The following DPP4 variants were observed in gnomAD, a reference collection of about 807,000 sequenced individuals.
The protein encoded by DPP4 is ADCP-2.
DPP4 carries 93 observed loss-of-function variants against 122.4 expected under a neutral mutation model. The observed-to-expected ratio is 0.76, with a 90% CI of 0.64 to 0.90. The LOEUF (loss-of-function observed/expected upper bound fraction) is 0.90, where lower values mean the gene tolerates loss of function less well. Among genes scored for constraint, DPP4 ranks in the 40% least tolerant of loss-of-function variants. DPP4 has a pLI of 0.00. For missense variants in DPP4, 914 were observed against 907.3 expected, an observed-to-expected ratio of 1.01 and a Z score of -0.09; for synonymous variants, 321 against 302.9, an observed-to-expected ratio of 1.06 and a Z score of -0.62.
At chr2:162,020,892 G>A (rs1056525428) in intron 12 of DPP4, among the ~76,000 whole-genome samples, 2 of 152,166 alleles carry the variant, frequency 1.3e-5, no homozygotes, top group Non-Finnish European at 2.9e-5. Flanking sequence ...TAATTTTCGT[G>A]AGCAGTAAAT....
At position 162,047,477 on chromosome 2, in the gene DPP4, C is replaced by G. The variant is rs201004732; in HGVS notation, c.119G>C (p.Arg40Pro). Residue 40 changes from arginine to proline, a missense_variant, in exon 3 of 26, where the codon CGC becomes CCC. Physicochemically the swap from Arg to Pro is moderately radical, Grantham distance 103. Coordinates refer to ENST00000360534, the MANE Select transcript of DPP4 (RefSeq NM_001935.4). Reference sequence around the variant, plus strand: ...GTAATCAGTTAGAGTGTAAGTTTTGCGACTGTCAGCTGTAGCATCATCTGC... The same window carrying G: ...GTAATCAGTTAGAGTGTAAGTTTTGGGACTGTCAGCTGTAGCATCATCTGC... ...KGTDDATADS[R>P]KTYTLTDYLK... 4 of 1,575,800 alleles carry G rather than the reference C, an allele frequency of 2.5e-6. No individual in the cohort carries two copies. In the South Asian group the frequency reaches 4.7e-5, roughly 18 times the overall value.
Position 162,019,212 on chromosome 2 carries a change from A to T in DPP4, c.1298+11T>A. On this transcript the variant is annotated intron_variant, in intron 15 of 25. Transcript: ENST00000360534. ...AAATGACTCAAGTCAACAACTTGAC[A>T]GAGCTCTTACTTATAAAGATTCCTT... The T allele has an allele frequency of 6.3e-7, 1 of 1,592,696 alleles. No individual in the cohort carries two copies. The highest frequency in any genetic ancestry group is 8.6e-7 in the Non-Finnish European group (1 of 1,164,546).
intron 2 of DPP4, among the ~76,000 whole-genome samples, chr2:162,053,641 T>A (rs1576067747): frequency 6.6e-6 from 1 of 152,300 alleles, no homozygotes; most frequent in Non-Finnish European, 1.5e-5. Flanking sequence ...GCTGTCAGCA[T>A]TCTGGTGCAG....
intron 2 of DPP4, among the ~76,000 whole-genome samples, chr2:162,050,899 G>A (rs1361169421): frequency 6.6e-6 from 1 of 152,138 alleles, no homozygotes; most frequent in Non-Finnish European, 1.5e-5. Context: ...GCACTGCTGC[G>A]GCAGCAGATG....
At chr2:162,009,111 A>G in intron 21 of DPP4, 130 bp downstream of exon 21, 1 of 906,212 alleles carries the variant, frequency 1.1e-6, no homozygotes, top group Non-Finnish European at 1.8e-6. Flanking sequence ...CTGCAGAGTT[A>G]CTGCCCAGAG....
rs1233348660 is a variant in DPP4, at chr2:162,020,259, A to C, written c.1214T>G (p.Ile405Ser). ...ATCACTGGTTAGAGCTTCTATCCCG[A>C]TGACTTCCCAGGTGCCTTTTGTAAT... ...TFITKGTWEV[I>S]GIEALTSDYL... The change falls in exon 14 of 26, where the codon ATC becomes AGC. Residue 405 changes from isoleucine (I) to serine (S), a missense_variant. Coordinates refer to ENST00000360534, the MANE Select transcript of DPP4 (RefSeq NM_001935.4). The C allele has an allele frequency of 6.2e-7, 1 of 1,606,980 alleles. No individual in the cohort carries two copies. Among genetic ancestry groups the C allele is most frequent in the African/African-American group, 1.4e-5 (1 of 73,298 alleles).
chr2:162,042,565 T>C (rs1408345765), intron 5 of DPP4, among the ~76,000 whole-genome samples: 4 of 151,270 alleles, frequency 2.6e-5, no homozygotes, highest in East Asian at 3.9e-4. Context: ...TTCATAAGAG[T>C]CACTTAGTCA....
rs144519975 is a variant in DPP4, at chr2:161,993,299, C to T, written c.2285G>A (p.Cys762Tyr). The stretch of plus-strand genomic sequence containing the variant: ...TTTGAGGTGCTAAGGTAAAGAGAAA[C>T]ATTGTTTTATGAAGTGGCTCATGTG... ...YTHMSHFIKQ[C>Y]FSLP is the part of the protein sequence containing the mutation. Residue 762 changes from cysteine (C) to tyrosine (Y), a missense_variant, in exon 26 of 26, where the codon TGT becomes TAT. By Grantham distance (194) the Cys-to-Tyr change is radical. Coordinates refer to ENST00000360534, the MANE Select transcript of DPP4 (RefSeq NM_001935.4). The T allele has an allele frequency of 6.2e-7, 1 of 1,612,300 alleles. No homozygotes were observed. The highest frequency in any genetic ancestry group is 1.1e-5 in the South Asian group (1 of 91,010).
intron 23 of DPP4, among the ~76,000 whole-genome samples, chr2:161,996,418 T>C (rs912194963): frequency 3.6e-4 from 55 of 152,236 alleles, no homozygotes; most frequent in Admixed American, 3.5e-3. Context: ...AGCCAAGGTT[T>C]ATATTTCACA....
chr2:162,041,471 G>C (rs1683985211), intron 5 of DPP4, among the ~76,000 whole-genome samples: 1 of 152,152 alleles, frequency 6.6e-6, no homozygotes, highest in African/African-American at 2.4e-5. Context: ...TAGCAGAGCT[G>C]AGATACAAAG....
intron 9 of DPP4, among the ~76,000 whole-genome samples, chr2:162,033,862 G>GTATATATA (rs138320647): frequency 0.058 from 6,031 of 103,716 alleles, 247 homozygotes; most frequent in Non-Finnish European, 0.072. Flanking sequence ...CAGAATATGT[G>GTATATATA]TATATATATA....
In DPP4 at chr2:162,045,619, A is replaced by C. The variant is rs756115183; in HGVS notation, c.286-7T>G. On this transcript the variant is annotated splice_polypyrimidine_tract_variant and splice_region_variant and intron_variant, in intron 4 of 25. Transcript: ENST00000360534. ...TAGAATGTCCAAACTCATCCTGTCA[A>C]ACAAGAAGAACAAAGAAAAATTGAA... 6.2e-7 allele frequency: 1 copy of C among 1,600,580 alleles called. No homozygotes were observed. Among genetic ancestry groups the C allele is most frequent in the East Asian group, 2.2e-5 (1 of 44,780 alleles).
intron 5 of DPP4, among the ~76,000 whole-genome samples, chr2:162,039,889 G>A (rs1395910349): frequency 3.9e-5 from 6 of 151,910 alleles, no homozygotes; most frequent in Admixed American, 2.0e-4. Context: ...TCAAGTCATC[G>A]AAAAGACTAG....
chr2:161,996,449 C>G (rs1350969886), intron 23 of DPP4, among the ~76,000 whole-genome samples: 1 of 152,108 alleles, frequency 6.6e-6, no homozygotes, highest in African/African-American at 2.4e-5. Flanking sequence ...TAGCTCATAT[C>G]AGCTTATATT....
At chr2:162,032,206 A>G (rs946647108) in intron 10 of DPP4, 3 of 152,312 alleles carry the variant, frequency 2.0e-5, no homozygotes, top group Non-Finnish European at 1.5e-5. Context: ...CCAGAAAGTC[A>G]GGTTTGAATA....
At chr2:161,993,609 C>G (rs949142398) in intron 25 of DPP4, among the ~76,000 whole-genome samples, 4 of 152,178 alleles carry the variant, frequency 2.6e-5, no homozygotes, top group African/African-American at 9.7e-5. Context: ...CTCTGATCCT[C>G]TTTTGCAGGT....
At chr2:162,044,964 C>CTT (rs370441659) in intron 5 of DPP4, among the ~76,000 whole-genome samples, 57 of 142,076 alleles carry the variant, frequency 4.0e-4, no homozygotes, top group Middle Eastern at 3.7e-3. Flanking sequence ...TTCTTTCTTT[C>CTT]TTTTTTTTTT....
rs199703184 is a variant in DPP4, at chr2:161,992,606, T to C, written c.*677A>G. 1 of 152,830 alleles carries C rather than the reference T, an allele frequency of 6.5e-6. No individual in the cohort carries two copies. The highest frequency in any genetic ancestry group is 1.5e-5 in the Non-Finnish European group (1 of 68,090). 9.5% of individuals were successfully genotyped at this position (152,830 alleles called of 1,614,324 possible). On this transcript the variant is annotated 3_prime_UTR_variant, in exon 26 of 26. Coordinates refer to ENST00000360534, the MANE Select transcript of DPP4 (RefSeq NM_001935.4). The stretch of plus-strand genomic sequence containing the variant: ...TGTGTTTTTGTAGCACCTATAGCCA[T>C]AACTGGCACCTGGGGGCCTGCGTTG...
chr2:162,054,455 A>C (rs1576068351), intron 2 of DPP4, among the ~76,000 whole-genome samples: 1 of 152,216 alleles, frequency 6.6e-6, no homozygotes, highest in African/African-American at 2.4e-5. Flanking sequence ...TACGAAAAGC[A>C]CATGAAGTTT....
Sources: gnomAD v4.1 joint callset for allele counts (sites outside exome capture counted in the v4.1 genomes callset) on GRCh38, gnomAD v4.1.1 for gene constraint, MANE v1.5 for transcripts, NCBI Gene and HGNC (gene_info 2026-07-23, HGNC 2026-07-21) for gene names.